Variants in STPG2 observed in about 807,000 individuals in gnomAD.
STPG2 encodes the protein sperm-tail PG-rich repeat-containing protein 2.
A neutral mutation model predicts 54.2 loss-of-function variants in STPG2; 56 were observed. The observed-to-expected ratio is 1.03, with a 90% CI of 0.83 to 1.29. STPG2 has a LOEUF of 1.29. Ranked by LOEUF, STPG2 falls within the 50% of genes most tolerant of loss-of-function variation. The probability of loss-of-function intolerance (pLI) is 0.00; values close to 1 mark genes in which losing one functional copy is unlikely to be tolerated. For missense variants in STPG2, 596 were observed against 544.9 expected, an observed-to-expected ratio of 1.09 and a Z score of -0.93; for synonymous variants, 200 against 181.8, an observed-to-expected ratio of 1.10 and a Z score of -0.81.
chr4:97,561,237 C>T (rs1008666189), intron 10 of STPG2, among the ~76,000 whole-genome samples: 2 of 152,128 alleles, frequency 1.3e-5, no homozygotes, highest in Non-Finnish European at 2.9e-5. Context: ...TTTATGGCTG[C>T]ATAAATGTCT....
At chr4:97,782,575 A>T (rs947359760) in intron 9 of STPG2, among the ~76,000 whole-genome samples, 6 of 152,194 alleles carry the variant, frequency 3.9e-5, no homozygotes, top group Non-Finnish European at 8.8e-5. Context: ...TTCAAAAAAA[A>T]CTACTTTAAA....
chr4:97,802,934 C>A (rs950675837), intron 9 of STPG2, among the ~76,000 whole-genome samples: 3 of 152,110 alleles, frequency 2.0e-5, no homozygotes, highest in African/African-American at 7.2e-5. Context: ...TGCAAAGCCA[C>A]CTCTATTACA....
chr4:97,507,187 A>C (rs1420465376), intron 4 of STPG2, among the ~76,000 whole-genome samples: 1 of 152,008 alleles, frequency 6.6e-6, no homozygotes, highest in Non-Finnish European at 1.5e-5. Flanking sequence ...AACAAACAGG[A>C]CATCAAAAAT....
chr4:97,552,916 G>T (rs1314315534), intron 4 of STPG2, among the ~76,000 whole-genome samples: 2 of 152,082 alleles, frequency 1.3e-5, no homozygotes, highest in East Asian at 3.8e-4. Flanking sequence ...GAAAGATCAA[G>T]CCATGTTATT....
At chr4:97,941,260 T>A (rs1304115987) in intron 8 of STPG2, among the ~76,000 whole-genome samples, 2 of 152,058 alleles carry the variant, frequency 1.3e-5, no homozygotes, top group Non-Finnish European at 2.9e-5. Context: ...TTAGTTAGGA[T>A]CTTCTGAAAA....
intron 9 of STPG2, among the ~76,000 whole-genome samples, chr4:97,760,499 G>A (rs1026831129): frequency 3.3e-5 from 5 of 152,134 alleles, no homozygotes; most frequent in Non-Finnish European, 7.4e-5. Context: ...ATATAGAGAA[G>A]CCACAAGCTT....
At chr4:97,637,246 T>A (rs991108049) in intron 10 of STPG2, among the ~76,000 whole-genome samples, 1 of 152,190 alleles carries the variant, frequency 6.6e-6, no homozygotes, top group Non-Finnish European at 1.5e-5. Context: ...AAAAACCACA[T>A]GATTATCTCA....
chr4:97,505,336 A>G (rs1187735820), intron 4 of STPG2, among the ~76,000 whole-genome samples: 1 of 151,984 alleles, frequency 6.6e-6, no homozygotes, highest in Non-Finnish European at 1.5e-5. Context: ...GAACAACTTC[A>G]GCAAATATGT....
intron 3 of STPG2, among the ~76,000 whole-genome samples, chr4:98,126,039 T>G (rs551228997): frequency 6.6e-6 from 1 of 152,318 alleles, no homozygotes; most frequent in South Asian, 2.1e-4. Flanking sequence ...CAACTGTAGC[T>G]GCAGAGATGG....
chr4:97,756,230 T>C (rs1725728091), intron 9 of STPG2, among the ~76,000 whole-genome samples: 1 of 152,204 alleles, frequency 6.6e-6, no homozygotes, highest in African/African-American at 2.4e-5. Flanking sequence ...GAGAAACCAT[T>C]AGATAAACAA....
At chr4:97,890,304 A>C (rs888445026) in intron 8 of STPG2, among the ~76,000 whole-genome samples, 1 of 152,088 alleles carries the variant, frequency 6.6e-6, no homozygotes, top group African/African-American at 2.4e-5. Flanking sequence ...AAACTAAAAA[A>C]CAAAATACAG....
intron 9 of STPG2, among the ~76,000 whole-genome samples, chr4:97,724,148 T>C (rs1452225112): frequency 2.0e-5 from 3 of 152,228 alleles, no homozygotes; most frequent in Non-Finnish European, 4.4e-5. Flanking sequence ...AAGTTTTTAT[T>C]AATATAGATT....
chr4:97,599,547 G>T (rs1004264334), intron 10 of STPG2, among the ~76,000 whole-genome samples: 2 of 152,090 alleles, frequency 1.3e-5, no homozygotes, highest in African/African-American at 4.8e-5. Context: ...ATATAGGCCG[G>T]GTGCGGTGGC....
At chr4:97,979,776 G>T (rs1289736383) in intron 6 of STPG2, among the ~76,000 whole-genome samples, 3 of 150,746 alleles carry the variant, frequency 2.0e-5, no homozygotes, top group South Asian at 2.1e-4. Context: ...CCAGGCTGGA[G>T]TGCAGTGGCA....
intron 10 of STPG2, among the ~76,000 whole-genome samples, chr4:97,637,214 G>A (rs1336728414): frequency 3.3e-5 from 5 of 152,110 alleles, no homozygotes; most frequent in African/African-American, 1.2e-4. Flanking sequence ...ATGTAATCCA[G>A]CATATAAACA....
intron 5 of STPG2, among the ~76,000 whole-genome samples, chr4:98,104,987 C>G (rs994623074): frequency 6.6e-6 from 1 of 152,146 alleles, no homozygotes; most frequent in African/African-American, 2.4e-5. Flanking sequence ...TAGTATGTAC[C>G]TGTAACAATA....
chr4:97,870,700 T>C (rs1040421558), intron 8 of STPG2, among the ~76,000 whole-genome samples: 1 of 151,350 alleles, frequency 6.6e-6, no homozygotes, highest in Admixed American at 6.6e-5. Context: ...TTGAGAATAA[T>C]AGGTAGAAGC....
At chr4:97,984,736 C>T (rs1223840984) in intron 5 of STPG2, among the ~76,000 whole-genome samples, 2 of 152,088 alleles carry the variant, frequency 1.3e-5, no homozygotes, top group East Asian at 1.9e-4. Context: ...AGAAGTGTTA[C>T]GCCCCCTGTT....
At chr4:97,907,239 C>T (rs1397637433) in intron 8 of STPG2, among the ~76,000 whole-genome samples, 3 of 150,546 alleles carry the variant, frequency 2.0e-5, no homozygotes, top group Admixed American at 6.6e-5. Context: ...AAACAGAGAG[C>T]CAAATCATGA....
Sources: gnomAD v4.1 joint callset for allele counts (sites outside exome capture counted in the v4.1 genomes callset) on GRCh38, gnomAD v4.1.1 for gene constraint, MANE v1.5 for transcripts, NCBI Gene and HGNC (gene_info 2026-07-23, HGNC 2026-07-21) for gene names.